The following YAF2 variants were observed in gnomAD, a reference collection of about 807,000 sequenced individuals.
YAF2 encodes the protein YY1 associated factor 2, also known as YY1-associated factor 2.
A neutral mutation model predicts 20.1 loss-of-function variants in YAF2; 7 were observed. The observed-to-expected ratio is 0.35, with a 90% CI of 0.20 to 0.65. The LOEUF (loss-of-function observed/expected upper bound fraction) is 0.65. Among genes scored for constraint, YAF2 ranks in the 30% least tolerant of loss-of-function variants. The probability of loss-of-function intolerance (pLI) is 0.69; values close to 1 mark genes in which losing one functional copy is unlikely to be tolerated. For missense variants in YAF2, 151 were observed against 219.2 expected (o/e 0.69, Z 1.96); for synonymous variants, 74 against 76.0 (o/e 0.97, Z 0.14).
chr12:42,232,298 A>G, intron 2 of YAF2: 1 of 573,784 alleles, frequency 1.7e-6, no homozygotes, highest in Non-Finnish European at 2.2e-6. Flanking sequence ...CATCACAGTG[A>G]AAAAGGCAAA....
At chr12:42,222,584 G>A (rs1019721935) in intron 2 of YAF2, among the ~76,000 whole-genome samples, 12 of 152,040 alleles carry the variant, frequency 7.9e-5, no homozygotes, top group South Asian at 2.1e-4. Context: ...TACATAAAAC[G>A]GCAGGATTGT....
chr12:42,228,394 G>GC (rs1435484816), intron 2 of YAF2, among the ~76,000 whole-genome samples: 1 of 60,468 alleles, frequency 1.7e-5, no homozygotes, highest in Non-Finnish European at 3.0e-5. Context: ...GAGCCTCTCT[G>GC]CCCGGCCAGC....
intron 3 of YAF2, chr12:42,161,121 AG>A (rs2065790149): frequency 2.8e-6 from 1 of 355,118 alleles, no homozygotes; most frequent in African/African-American, 2.1e-5. Context: ...TTATTAAAAT[AG>A]ATGTTTTAGA....
intron 2 of YAF2, among the ~76,000 whole-genome samples, chr12:42,183,656 C>A (rs2066400730): frequency 6.6e-6 from 1 of 152,146 alleles, no homozygotes; most frequent in Non-Finnish European, 1.5e-5. Flanking sequence ...AAAAGTCAAG[C>A]CACCTTCACA....
chr12:42,214,810 C>A (rs1289346191), intron 2 of YAF2, among the ~76,000 whole-genome samples: 1 of 151,178 alleles, frequency 6.6e-6, no homozygotes, highest in Non-Finnish European at 1.5e-5. Context: ...TCGAGACCAG[C>A]CGGGCCAACA....
intron 2 of YAF2, among the ~76,000 whole-genome samples, chr12:42,221,065 A>G (rs1438593780): frequency 1.3e-5 from 2 of 152,234 alleles, no homozygotes; most frequent in Non-Finnish European, 2.9e-5. Flanking sequence ...AGGAAAAAAG[A>G]CAGCCATTTT....
intron 2 of YAF2, chr12:42,172,174 A>T (rs1438614369): frequency 6.6e-6 from 1 of 152,224 alleles, no homozygotes; most frequent in Non-Finnish European, 1.5e-5. Flanking sequence ...TTCACCTTGA[A>T]TCTTGGGAAG....
chr12:42,227,529 A>T, intron 2 of YAF2, among the ~76,000 whole-genome samples: 1 of 133,120 alleles, frequency 7.5e-6, no homozygotes, highest in African/African-American at 3.0e-5. Flanking sequence ...TGCCCTGCCG[A>T]GACCCCGTCT....
At position 42,223,765 on chromosome 12, in the gene YAF2, T is replaced by C. The variant is rs538857427; in HGVS notation, c.152+13834A>G. ...CTGGAAACCATCATTCTCAGCAAAC[T>C]AACACGGGAACAGAAAACCTAACAC... On this transcript the variant is annotated intron_variant, in intron 2 of 3. Coordinates refer to ENST00000534854, the MANE Select transcript of YAF2 (RefSeq NM_005748.6). Among the ~76,000 whole-genome samples the C allele has an allele frequency of 2.2e-3, 330 of 149,382 alleles. 1 individual carries two copies. The highest frequency in any genetic ancestry group is 0.011 in the South Asian group (51 of 4,778).
intron 2 of YAF2, chr12:42,210,771 A>T (rs1045633426): frequency 3.5e-6 from 4 of 1,135,340 alleles, no homozygotes; most frequent in Non-Finnish European, 4.8e-6. Flanking sequence ...AGATAACTAT[A>T]TATACACGTA....
At chr12:42,210,300 G>A (rs2067168737) in intron 2 of YAF2, 3 of 1,218,526 alleles carry the variant, frequency 2.5e-6, no homozygotes, top group Non-Finnish European at 2.3e-6. Flanking sequence ...CCTTCTCAAG[G>A]GACAAAATTT....
intron 2 of YAF2, chr12:42,199,085 G>A: frequency 7.9e-6 from 8 of 1,010,414 alleles, no homozygotes; most frequent in Non-Finnish European, 1.1e-5. Flanking sequence ...ATTTCCTCTT[G>A]GGTACATCTT....
chr12:42,174,414 T>C (rs994820533), intron 2 of YAF2, among the ~76,000 whole-genome samples: 7 of 152,186 alleles, frequency 4.6e-5, no homozygotes, highest in African/African-American at 1.4e-4. Context: ...CACCACACTC[T>C]TCACATTTCT....
intron 2 of YAF2, among the ~76,000 whole-genome samples, chr12:42,167,382 T>A (rs1392513579): frequency 6.6e-6 from 1 of 152,018 alleles, no homozygotes; most frequent in African/African-American, 2.4e-5. Flanking sequence ...ATAACTAAGA[T>A]CCCGTTATAT....
intron 2 of YAF2, chr12:42,235,226 G>A (rs1001857574): frequency 2.0e-6 from 2 of 995,982 alleles, no homozygotes; most frequent in Non-Finnish European, 2.4e-6. Context: ...CAGCTATCCA[G>A]TCTTGGCTTT....
chr12:42,238,208 T>TCGC lies in YAF2; in HGVS notation c.-31_-29dup. 1 of 1,367,900 alleles carries TCGC rather than the reference T, an allele frequency of 7.3e-7. No individual in the cohort carries two copies. Among genetic ancestry groups the TCGC allele is most frequent in the Non-Finnish European group, 9.6e-7 (1 of 1,037,970 alleles). 84.7% of individuals were successfully genotyped at this position (1,367,900 alleles called of 1,614,324 possible). A position where few individuals can be genotyped will look rare whatever the true frequency, so the allele number is the denominator to read the frequency against. On this transcript the variant is annotated 5_prime_UTR_variant, in exon 1 of 4. Coordinates refer to ENST00000534854, the MANE Select transcript of YAF2 (RefSeq NM_005748.6). ...CTTGGCTATCACCGCACGCCGAGAG[T>TCGC]CGCCGCCGCGACCGCTCTGTTTGTC...
intron 2 of YAF2, among the ~76,000 whole-genome samples, chr12:42,180,048 A>C (rs141827212): frequency 1.3e-5 from 2 of 152,014 alleles, no homozygotes; most frequent in Non-Finnish European, 2.9e-5. Context: ...AGTTTCTTTC[A>C]TTTGTTTCAT....
chr12:42,196,841 G>C (rs1029216963), intron 2 of YAF2, among the ~76,000 whole-genome samples: 1 of 152,172 alleles, frequency 6.6e-6, no homozygotes, highest in Non-Finnish European at 1.5e-5. Context: ...ACAAGACTAT[G>C]AGCAAACCGA....
At chr12:42,196,086 G>A (rs144037695) in intron 2 of YAF2, among the ~76,000 whole-genome samples, 25 of 152,102 alleles carry the variant, frequency 1.6e-4, no homozygotes, top group Non-Finnish European at 3.1e-4. Flanking sequence ...GCAGGGTGTG[G>A]TGGCACATGC....
Sources: allele counts gnomAD v4.1 joint callset (sites outside exome capture counted in the v4.1 genomes callset), GRCh38; gene constraint gnomAD v4.1.1; transcripts MANE v1.5; gene names NCBI Gene and HGNC (gene_info 2026-07-23, HGNC 2026-07-21).